DIAPH2: variants seen among roughly 807,000 people sequenced by gnomAD.
DIAPH2 encodes the protein diaphanous related formin 2, also known as protein diaphanous homolog 2.
In DIAPH2, 35 loss-of-function variants were observed where a neutral mutation model predicts 92.7. That is an observed-to-expected ratio of 0.38 (90% CI 0.29 to 0.50). The LOEUF is 0.50. DIAPH2 is among the 20% of genes least tolerant of loss of function. DIAPH2 has a pLI of 0.94. For synonymous variants in DIAPH2, 301 were observed against 280.4 expected, an observed-to-expected ratio of 1.07 and a Z score of -0.73; for missense variants, 701 against 819.5, an observed-to-expected ratio of 0.86 and a Z score of 1.77.
intron 19 of DIAPH2, among the ~76,000 whole-genome samples, chrX:97,099,156 A>T (rs2066888966): frequency 9.0e-6 from 1 of 111,197 alleles, no homozygotes; most frequent in Non-Finnish European, 1.9e-5. Context: ...GTGACTGGAA[A>T]TAAAGCTTAA....
At chrX:96,709,477 A>G (rs925094522) in intron 1 of DIAPH2, among the ~76,000 whole-genome samples, 20 of 112,075 alleles carry the variant, frequency 1.8e-4, no homozygotes, top group African/African-American at 5.8e-4. Context: ...ATGGCTTTGC[A>G]GGTGTCTCCA....
intron 24 of DIAPH2, among the ~76,000 whole-genome samples, chrX:97,383,684 A>C (rs777851017): frequency 9.2e-6 from 1 of 108,917 alleles, no homozygotes; most frequent in East Asian, 2.8e-4. Flanking sequence ...TGTCTCTCTC[A>C]AAAGTATATA....
At chrX:97,252,377 A>G (rs1310203887) in intron 23 of DIAPH2, among the ~76,000 whole-genome samples, 1 of 111,666 alleles carries the variant, frequency 9.0e-6, no homozygotes, top group Non-Finnish European at 1.9e-5. Flanking sequence ...ACTAACTATC[A>G]ACACTTGGGA....
In DIAPH2 at chrX:97,019,241, A is replaced by G. The variant is rs150933749; in HGVS notation, c.2051-53700A>G. On this transcript the variant is annotated intron_variant, in intron 17 of 26. Coordinates refer to ENST00000324765, the MANE Select transcript of DIAPH2 (RefSeq NM_006729.5). ...CTCATTTGGATAAATACTAAGGAGT[A>G]TGACTGCTCAATCATGGTAAGAGTA... Among the ~76,000 whole-genome samples the G allele has an allele frequency of 2.1e-4, 23 of 111,720 alleles. No individual in the cohort carries two copies. In the East Asian group the frequency reaches 5.3e-3, roughly 26 times the overall value.
intron 25 of DIAPH2, among the ~76,000 whole-genome samples, chrX:97,409,129 A>G (rs1332049345): frequency 1.8e-5 from 2 of 112,132 alleles, no homozygotes; most frequent in Non-Finnish European, 1.9e-5. Flanking sequence ...CCTGTGAAGA[A>G]GTGGTATAGC....
chrX:96,748,716 G>T (rs756766150), intron 3 of DIAPH2, among the ~76,000 whole-genome samples: 1 of 111,489 alleles, frequency 9.0e-6, no homozygotes, highest in South Asian at 3.8e-4. Flanking sequence ...TCTGTGTCAT[G>T]GTGAAGTTTA....
chrX:97,416,451 G>A (rs761202455), intron 25 of DIAPH2, among the ~76,000 whole-genome samples: 1 of 112,417 alleles, frequency 8.9e-6, no homozygotes, highest in South Asian at 3.7e-4. Flanking sequence ...AGGCTGTTCT[G>A]TGCTGGTTGA....
intron 9 of DIAPH2, among the ~76,000 whole-genome samples, chrX:96,920,903 C>A (rs745326431): frequency 1.8e-5 from 2 of 112,224 alleles, no homozygotes; most frequent in South Asian, 7.3e-4. Flanking sequence ...AAAACTAGTA[C>A]TCTCACAAGA....
At chrX:96,837,733 C>T (rs1041427956) in intron 4 of DIAPH2, among the ~76,000 whole-genome samples, 9 of 110,948 alleles carry the variant, frequency 8.1e-5, no homozygotes, top group Admixed American at 1.9e-4. Flanking sequence ...TATCATAATG[C>T]GATAATTCTT....
intron 26 of DIAPH2, among the ~76,000 whole-genome samples, chrX:97,457,066 G>A (rs759469621): frequency 5.4e-5 from 6 of 111,714 alleles, no homozygotes; most frequent in Non-Finnish European, 1.1e-4. Context: ...TGTCACTCAG[G>A]CTGGAGTGCA....
chrX:97,525,630 A>G (rs1915163016), intron 26 of DIAPH2, among the ~76,000 whole-genome samples: 1 of 112,709 alleles, frequency 8.9e-6, no homozygotes, highest in Non-Finnish European at 1.9e-5. Flanking sequence ...ATAAATGAGT[A>G]GATGAATGAA....
intron 23 of DIAPH2, among the ~76,000 whole-genome samples, chrX:97,337,071 T>TATAC (rs781128062): frequency 8.1e-5 from 9 of 111,119 alleles, no homozygotes; most frequent in Non-Finnish European, 1.3e-4. Context: ...CACCACTGAC[T>TATAC]ATACTATCTT....
intron 26 of DIAPH2, among the ~76,000 whole-genome samples, chrX:97,477,352 C>T (rs1377581072): frequency 9.1e-6 from 1 of 110,141 alleles, no homozygotes; most frequent in Non-Finnish European, 1.9e-5. Context: ...AGGCCGTGTG[C>T]TGTGGCTCAC....
chrX:96,770,886 G>A (rs1724892500), intron 4 of DIAPH2, among the ~76,000 whole-genome samples: 1 of 111,933 alleles, frequency 8.9e-6, no homozygotes, highest in Admixed American at 9.5e-5. Context: ...TATGCAACGA[G>A]TAGCTACTTT....
At chrX:97,295,437 C>T (rs773942602) in intron 23 of DIAPH2, among the ~76,000 whole-genome samples, 4 of 111,666 alleles carry the variant, frequency 3.6e-5, no homozygotes, top group South Asian at 3.7e-4. Context: ...GCTTAAATTA[C>T]GACAATGAAA....
intron 23 of DIAPH2, among the ~76,000 whole-genome samples, chrX:97,311,875 T>TG (rs1328757298): frequency 9.0e-6 from 1 of 110,683 alleles, no homozygotes; most frequent in Non-Finnish European, 1.9e-5. Flanking sequence ...TGGCCTAGGC[T>TG]GGAGTGCAGT....
chrX:97,091,923 T>A (rs1431573358), intron 19 of DIAPH2, among the ~76,000 whole-genome samples: 1 of 111,701 alleles, frequency 9.0e-6, no homozygotes, highest in Non-Finnish European at 1.9e-5. Flanking sequence ...TGTTTAGAAG[T>A]TTCCAGCAGA....
chrX:97,369,246 C>G (rs977159340), intron 24 of DIAPH2, among the ~76,000 whole-genome samples: 1 of 111,146 alleles, frequency 9.0e-6, no homozygotes, highest in Non-Finnish European at 1.9e-5. Flanking sequence ...TAAGCCAACA[C>G]CGAAGCAAAT....
chrX:97,172,148 A>C (rs2067459300), intron 22 of DIAPH2, among the ~76,000 whole-genome samples: 1 of 111,795 alleles, frequency 8.9e-6, no homozygotes, highest in Admixed American at 9.5e-5. Context: ...ACTGAATATA[A>C]GTTTGAAATA....
Sources: gnomAD v4.1 joint callset for allele counts (sites outside exome capture counted in the v4.1 genomes callset) on GRCh38, gnomAD v4.1.1 for gene constraint, MANE v1.5 for transcripts, NCBI Gene and HGNC (gene_info 2026-07-23, HGNC 2026-07-21) for gene names.